FHOD3: variants seen among roughly 807,000 people sequenced by gnomAD.
FHOD3 encodes FH1/FH2 domain-containing protein 3.
FHOD3 carries 90 observed loss-of-function variants against 173.0 expected under a neutral mutation model. The ratio of observed to expected loss-of-function variants is 0.52; its 90% CI spans 0.44 to 0.62. The LOEUF (loss-of-function observed/expected upper bound fraction) is 0.62, where lower values mean the gene tolerates loss of function less well. Ranked by LOEUF, FHOD3 falls within the 20% of genes least tolerant of loss-of-function variation. FHOD3 has a pLI of 0.00. For synonymous variants in FHOD3, 828 were observed against 823.0 expected, an observed-to-expected ratio of 1.01 and a Z score of -0.10; for missense variants, 1,945 against 2,034.7, an observed-to-expected ratio of 0.96 and a Z score of 0.85.
intron 23 of FHOD3, among the ~76,000 whole-genome samples, chr18:36,745,652 T>C (rs1019940236): frequency 6.6e-6 from 1 of 152,048 alleles, no homozygotes; most frequent in Non-Finnish European, 1.5e-5. Flanking sequence ...CAGTGGCCCC[T>C]AAGTAGCAAC....
rs112245818 is a variant in FHOD3 at position 36,349,629 on chromosome 18, C to T, written c.166-5910C>T. 8.4e-3 allele frequency among the ~76,000 whole-genome samples: 1,281 copies of T among 152,282 alleles called. 17 individuals are homozygous for T. The highest frequency in any genetic ancestry group is 0.03 in the African/African-American group (1,229 of 41,554). Reference sequence around the variant, plus strand: ...TGCCTGGGCTATGGATCGCTGTGGACCTGCTGCCAAAACCTAGATAATCAT... The same window carrying T: ...TGCCTGGGCTATGGATCGCTGTGGATCTGCTGCCAAAACCTAGATAATCAT... On this transcript the variant is annotated intron_variant, in intron 1 of 28. Coordinates refer to ENST00000590592, the MANE Select transcript of FHOD3 (RefSeq NM_001281740.3).
intron 10 of FHOD3, among the ~76,000 whole-genome samples, chr18:36,629,839 C>G (rs1030653222): frequency 2.6e-5 from 4 of 151,962 alleles, no homozygotes; most frequent in African/African-American, 4.8e-5. Context: ...GTGGTCCCTT[C>G]GGGCAGTGGT....
At chr18:36,539,400 G>A (rs976879298) in intron 5 of FHOD3, among the ~76,000 whole-genome samples, 11 of 152,186 alleles carry the variant, frequency 7.2e-5, no homozygotes, top group Non-Finnish European at 1.5e-5. Context: ...CTGGGTGAAG[G>A]TGCAGATGCC....
intron 3 of FHOD3, among the ~76,000 whole-genome samples, chr18:36,405,782 A>C (rs2049025966): frequency 6.6e-6 from 1 of 152,232 alleles, no homozygotes; most frequent in Non-Finnish European, 1.5e-5. Flanking sequence ...CACATGGAGG[A>C]ATAAGTCTTG....
At chr18:36,383,626 A>G (rs2047895001) in intron 3 of FHOD3, among the ~76,000 whole-genome samples, 2 of 152,232 alleles carry the variant, frequency 1.3e-5, no homozygotes, top group South Asian at 4.1e-4. Flanking sequence ...CTTTTTATAA[A>G]AGCAGAAAGG....
In FHOD3 at chr18:36,654,178, T is replaced by C. The variant is rs187322658; in HGVS notation, c.1721+762T>C. On this transcript the variant is annotated intron_variant, in intron 13 of 28. Transcript: ENST00000590592. ...TTCGGGGACCCCAGTCTGGGTGCCC[T>C]ACTCAACAGGAAGCTGCACCATGTT... is the stretch of plus-strand genomic sequence containing the variant. Among the ~76,000 whole-genome samples, 3 of 152,316 alleles carry C rather than the reference T, an allele frequency of 2.0e-5. No individual in the cohort carries two copies. The East Asian group carries it at 5.8e-4, about 29-fold the overall frequency.
At chr18:36,447,346 G>T (rs6507169) in intron 3 of FHOD3, among the ~76,000 whole-genome samples, 2,534 of 152,270 alleles carry the variant, frequency 0.017, 78 homozygotes, top group African/African-American at 0.057. Flanking sequence ...CCAGGCCAGA[G>T]GATCTCTCAG....
At chr18:36,765,334 C>T (rs186969579) in intron 27 of FHOD3, among the ~76,000 whole-genome samples, 2 of 152,256 alleles carry the variant, frequency 1.3e-5, no homozygotes, top group East Asian at 3.9e-4. Context: ...CAGCTCAATA[C>T]CTCACTGTAT....
At chr18:36,603,855 T>G (rs73948082) in intron 8 of FHOD3, among the ~76,000 whole-genome samples, 4,138 of 152,222 alleles carry the variant, frequency 0.027, 172 homozygotes, top group African/African-American at 0.093. Context: ...ATTATGAAGT[T>G]TTACTCTAAG....
intron 1 of FHOD3, among the ~76,000 whole-genome samples, chr18:36,311,813 T>C (rs961643532): frequency 6.6e-6 from 1 of 152,190 alleles, no homozygotes; most frequent in African/African-American, 2.4e-5. Flanking sequence ...CTGTGCCCTC[T>C]TTGCTGATGG....
Position 36,718,257 on chromosome 18 carries a change from C to T in FHOD3, c.2959C>T (p.Pro987Ser). Residue 987 changes from proline to serine, a missense_variant, in exon 19 of 29, where the codon CCA becomes TCA. Coordinates refer to ENST00000590592, the MANE Select transcript of FHOD3 (RefSeq NM_001281740.3). ...CATCTGGGACCAGCTCATGGCCAATCCAAGAGAGCTCAGAATCCAAGACAT... is the reference window on the plus strand; with the variant it reads ...CATCTGGGACCAGCTCATGGCCAATTCAAGAGAGCTCAGAATCCAAGACAT... ...DYIWDQLMAN[P>S]RELRIQDMDF... 3 of 1,614,150 alleles carry T rather than the reference C, an allele frequency of 1.9e-6. No homozygotes were observed. The highest frequency in any genetic ancestry group is 1.7e-6 in the Non-Finnish European group (2 of 1,180,022).
At chr18:36,729,681 T>C (rs1490911840) in intron 19 of FHOD3, among the ~76,000 whole-genome samples, 1 of 152,180 alleles carries the variant, frequency 6.6e-6, no homozygotes, top group Admixed American at 6.5e-5. Flanking sequence ...GTCATGAGGA[T>C]CCCACCCTCG....
chr18:36,662,481 T>G (rs1218701847), intron 14 of FHOD3, among the ~76,000 whole-genome samples: 1 of 152,210 alleles, frequency 6.6e-6, no homozygotes, highest in Admixed American at 6.5e-5. Context: ...TCTTTTCCAC[T>G]TGTAATAATG....
chr18:36,326,420 A>G (rs951072249), intron 1 of FHOD3, among the ~76,000 whole-genome samples: 6 of 152,242 alleles, frequency 3.9e-5, no homozygotes, highest in Non-Finnish European at 8.8e-5. Context: ...TCACTGAATT[A>G]ACAGACAATA....
At chr18:36,475,033 A>ACT (rs1491110307) in intron 3 of FHOD3, among the ~76,000 whole-genome samples, 5 of 39,240 alleles carry the variant, frequency 1.3e-4, no homozygotes, top group South Asian at 1.3e-3. Flanking sequence ...ACACACACAC[A>ACT]CTCTGCAAAA....
intron 4 of FHOD3, among the ~76,000 whole-genome samples, chr18:36,506,789 A>G (rs1417508400): frequency 1.3e-5 from 2 of 152,234 alleles, no homozygotes; most frequent in Admixed American, 1.3e-4. Flanking sequence ...AAGAAATCAT[A>G]TTAGTTTATA....
At chr18:36,507,530 A>G (rs560934927) in intron 4 of FHOD3, among the ~76,000 whole-genome samples, 1 of 152,310 alleles carries the variant, frequency 6.6e-6, no homozygotes, top group East Asian at 1.9e-4. Flanking sequence ...TGAGTACGGT[A>G]GTCTGTGAGC....
intron 24 of FHOD3, among the ~76,000 whole-genome samples, chr18:36,748,966 A>G (rs1297258048): frequency 1.3e-5 from 2 of 148,854 alleles, no homozygotes; most frequent in Non-Finnish European, 3.0e-5. Flanking sequence ...TAAACTTAAC[A>G]CATTGGGAAA....
intron 5 of FHOD3, among the ~76,000 whole-genome samples, chr18:36,570,470 A>G (rs1172590782): frequency 6.6e-6 from 1 of 152,156 alleles, no homozygotes; most frequent in African/African-American, 2.4e-5. Flanking sequence ...CAAACATTTA[A>G]AGATAAAATA....
Sources: allele counts gnomAD v4.1 joint callset (sites outside exome capture counted in the v4.1 genomes callset), GRCh38; gene constraint gnomAD v4.1.1; transcripts MANE v1.5; gene names NCBI Gene and HGNC (gene_info 2026-07-23, HGNC 2026-07-21).